Variants in BSPH1 observed in about 807,000 individuals in gnomAD.
BSPH1 encodes binder of sperm 1.
Under a neutral mutation model 22.5 loss-of-function variants are expected in BSPH1, and 21 were observed. The ratio of observed to expected loss-of-function variants is 0.93; its 90% CI spans 0.66 to 1.35. BSPH1 has a LOEUF of 1.35. BSPH1 is among the 40% of genes most tolerant of loss of function. BSPH1 has a pLI of 0.00. For missense variants in BSPH1, 141 were observed against 154.2 expected (o/e 0.91, Z 0.45); for synonymous variants, 42 against 53.6 (o/e 0.78, Z 0.95).
In BSPH1 at chr19:47,990,764, C is replaced by T. The variant is rs138680074; in HGVS notation, c.73+1245G>A. Among the ~76,000 whole-genome samples the T allele has an allele frequency of 7.8e-3, 1,182 of 152,122 alleles. 11 individuals are homozygous for T. The highest frequency in any genetic ancestry group is 0.011 in the Admixed American group (164 of 15,284). On this transcript the variant is annotated intron_variant, in intron 1 of 5. Coordinates refer to ENST00000344839, the MANE Select transcript of BSPH1 (RefSeq NM_001128326.2). ...TTGTCAGATGCATCCATAGTGAATT[C>T]CCTTCTTATTTTTCTATTTCGCTTC... is the stretch of plus-strand genomic sequence containing the variant.
intron 1 of BSPH1, among the ~76,000 whole-genome samples, chr19:47,989,034 AC>A (rs1190855107): frequency 6.6e-6 from 1 of 151,770 alleles, no homozygotes; most frequent in African/African-American, 2.4e-5. Flanking sequence ...GGTGCATATC[AC>A]ATGCTCATGA....
chr19:47,973,966 T>G (rs1366331813), intron 5 of BSPH1, among the ~76,000 whole-genome samples: 1 of 152,168 alleles, frequency 6.6e-6, no homozygotes, highest in Non-Finnish European at 1.5e-5. Context: ...CACTTGGAAA[T>G]AAACCCAAAC....
At chr19:47,969,729 T>TG (rs1490864250) in intron 5 of BSPH1, among the ~76,000 whole-genome samples, 1 of 73,958 alleles carries the variant, frequency 1.4e-5, no homozygotes, top group Admixed American at 1.2e-4. Flanking sequence ...GAGAGAGACT[T>TG]TAGAATGTAT....
chr19:47,975,052 C>T (rs1969348667), intron 5 of BSPH1, among the ~76,000 whole-genome samples: 1 of 152,184 alleles, frequency 6.6e-6, no homozygotes, highest in Non-Finnish European at 1.5e-5. Context: ...CATGCACTTA[C>T]ATTTTCTTAT....
Position 47,976,862 on chromosome 19 carries a change from G to C in BSPH1, c.257-8C>G. ...ATACACAGTTTGCAAAATCTGCAGA[G>C]GAGGAAGAGGAAGAAGCAGAGTAAG... On this transcript the variant is annotated splice_region_variant and splice_polypyrimidine_tract_variant and intron_variant, in intron 4 of 5. Coordinates refer to ENST00000344839, the MANE Select transcript of BSPH1 (RefSeq NM_001128326.2). 3 of 1,550,702 alleles carry C rather than the reference G, an allele frequency of 1.9e-6. No individual in the cohort carries two copies. The highest frequency in any genetic ancestry group is 1.7e-6 in the Non-Finnish European group (2 of 1,146,684).
At chr19:47,969,684 G>GGGAGAGA (rs1162877914) in intron 5 of BSPH1, among the ~76,000 whole-genome samples, 2 of 113,876 alleles carry the variant, frequency 1.8e-5, no homozygotes, top group African/African-American at 4.1e-5. Context: ...AGGGAGAGGG[G>GGGAGAGA]GAGAGAGAGA....
At chr19:47,976,458 A>G (rs1969363575) in intron 5 of BSPH1, among the ~76,000 whole-genome samples, 1 of 152,032 alleles carries the variant, frequency 6.6e-6, no homozygotes. Flanking sequence ...AAAAGGGACT[A>G]ATTTTACACA....
intron 1 of BSPH1, among the ~76,000 whole-genome samples, chr19:47,986,077 C>T (rs1969467897): frequency 1.3e-5 from 2 of 152,006 alleles, no homozygotes; most frequent in African/African-American, 2.4e-5. Context: ...GGAAGCTGGT[C>T]GAACAGACTA....
chr19:47,990,584 T>C (rs1162834983), intron 1 of BSPH1, among the ~76,000 whole-genome samples: 1 of 146,860 alleles, frequency 6.8e-6, no homozygotes, highest in African/African-American at 2.5e-5. Context: ...GTATATTTTC[T>C]TTTCTGTTCT....
intron 1 of BSPH1, among the ~76,000 whole-genome samples, chr19:47,991,277 C>G (rs1458951680): frequency 6.6e-6 from 1 of 152,242 alleles, no homozygotes; most frequent in South Asian, 2.1e-4. Context: ...ATGCTCCTGT[C>G]AGACACTCGT....
At chr19:47,977,748 A>G (rs1468074203) in intron 3 of BSPH1, 2 of 900,512 alleles carry the variant, frequency 2.2e-6, no homozygotes, top group Non-Finnish European at 2.7e-6. Context: ...TTTGCTTAGC[A>G]TTTGCCCCAG....
At chr19:47,974,083 A>G (rs1012078822) in intron 5 of BSPH1, among the ~76,000 whole-genome samples, 20 of 152,046 alleles carry the variant, frequency 1.3e-4, no homozygotes. Flanking sequence ...GCTGAGTGCT[A>G]TCTGCATGCA....
At chr19:47,981,872 G>C (rs1367505276) in intron 1 of BSPH1, 1 of 305,372 alleles carries the variant, frequency 3.3e-6, no homozygotes, top group African/African-American at 2.3e-5. Context: ...TGAATTTTTT[G>C]TTTTGTTACT....
chr19:47,978,527 G>A lies in BSPH1; in HGVS notation c.125-1023C>T, dbSNP rs1013497724. ...TGTAGTAAACATTTCACATATTTAA[G>A]TCCTTATGTATTGAAGCATTTGTTT... On this transcript the variant is annotated intron_variant, in intron 3 of 5. Coordinates refer to ENST00000344839, the MANE Select transcript of BSPH1 (RefSeq NM_001128326.2). Among the ~76,000 whole-genome samples, 7 of 152,070 alleles carry A rather than the reference G, an allele frequency of 4.6e-5. No individual in the cohort carries two copies. In the East Asian group the frequency reaches 1.3e-3, roughly 29 times the overall value.
At chr19:47,991,921 C>A in intron 1 of BSPH1, 88 bp downstream of exon 1, 1 of 814,998 alleles carries the variant, frequency 1.2e-6, no homozygotes, top group African/African-American at 1.7e-5. Context: ...ATCTTTCATC[C>A]CCACCTTCTC....
intron 1 of BSPH1, among the ~76,000 whole-genome samples, chr19:47,985,868 A>C (rs1416846045): frequency 6.6e-6 from 1 of 151,968 alleles, no homozygotes; most frequent in Non-Finnish European, 1.5e-5. Flanking sequence ...AAGTGAATGT[A>C]AATAAAATGA....
intron 5 of BSPH1, among the ~76,000 whole-genome samples, chr19:47,970,132 C>A (rs1265197943): frequency 6.6e-6 from 1 of 152,082 alleles, no homozygotes; most frequent in Non-Finnish European, 1.5e-5. Flanking sequence ...GATCTTGGCT[C>A]ACTGCAACCT....
intron 1 of BSPH1, among the ~76,000 whole-genome samples, chr19:47,987,964 C>G (rs150641021): frequency 6.6e-6 from 1 of 151,684 alleles, no homozygotes; most frequent in Non-Finnish European, 1.5e-5. Context: ...CCACTGCACT[C>G]CAGCCTGGGT....
At chr19:47,974,260 TC>T (rs1969338935) in intron 5 of BSPH1, among the ~76,000 whole-genome samples, 1 of 117,818 alleles carries the variant, frequency 8.5e-6, no homozygotes, top group African/African-American at 4.5e-5. Context: ...CCACTTTCTC[TC>T]TCTCTCTCTT....
Sources: gnomAD v4.1 joint callset for allele counts (sites outside exome capture counted in the v4.1 genomes callset) on GRCh38, gnomAD v4.1.1 for gene constraint, MANE v1.5 for transcripts, NCBI Gene and HGNC (gene_info 2026-07-23, HGNC 2026-07-21) for gene names.